Variants in CHSY3 observed in about 807,000 individuals in gnomAD.
The protein encoded by CHSY3 is N-acetylgalactosaminyl-proteoglycan 3-beta-glucuronosyltransferase 3.
Under a neutral mutation model 67.2 loss-of-function variants are expected in CHSY3, and 35 were observed. The ratio of observed to expected loss-of-function variants is 0.52; its 90% CI spans 0.40 to 0.69. The LOEUF (loss-of-function observed/expected upper bound fraction) is 0.69. CHSY3 is among the 30% of genes least tolerant of loss of function. The pLI is 0.00. For missense variants in CHSY3, 1,069 were observed against 1,138.5 expected (o/e 0.94, Z 0.88); for synonymous variants, 474 against 434.7 (o/e 1.09, Z -1.12).
chr5:129,910,805 A>G (rs1760512541), intron 2 of CHSY3, among the ~76,000 whole-genome samples: 1 of 152,032 alleles, frequency 6.6e-6, no homozygotes, highest in Admixed American at 6.5e-5. Flanking sequence ...AGATTGGTCT[A>G]TTCTACTCCA....
At chr5:130,117,496 T>C (rs1223932976) in intron 2 of CHSY3, among the ~76,000 whole-genome samples, 1 of 152,232 alleles carries the variant, frequency 6.6e-6, no homozygotes, top group Non-Finnish European at 1.5e-5. Context: ...TGCAGCTTCA[T>C]TAGAGACATT....
At chr5:130,132,251 G>T (rs1768505545) in intron 2 of CHSY3, among the ~76,000 whole-genome samples, 1 of 152,054 alleles carries the variant, frequency 6.6e-6, no homozygotes, top group African/African-American at 2.4e-5. Flanking sequence ...TCAACTTTAA[G>T]CTCTCTTCAA....
At position 130,184,721 on chromosome 5, in the gene CHSY3, C is replaced by T. The variant is rs148391625; in HGVS notation, c.1579C>T (p.Arg527Cys). 7 of 1,607,904 alleles carry T rather than the reference C, an allele frequency of 4.4e-6. No homozygotes were observed. In the South Asian group the frequency reaches 4.4e-5, roughly 10 times the overall value. ...IDFKEIQYGY[R>C]RVNPMHGVEY... is the part of the protein sequence containing the mutation. Reference sequence around the variant, plus strand: ...CTTCAAGGAAATTCAGTATGGCTACCGCAGAGTTAACCCCATGCACGGGGT... The same window carrying T: ...CTTCAAGGAAATTCAGTATGGCTACTGCAGAGTTAACCCCATGCACGGGGT... Residue 527 changes from arginine (R) to cysteine (C), a missense_variant, in exon 3 of 3, where the codon CGC becomes TGC. Coordinates refer to ENST00000305031, the MANE Select transcript of CHSY3 (RefSeq NM_175856.5).
At chr5:129,909,994 T>C (rs1254189220) in intron 2 of CHSY3, among the ~76,000 whole-genome samples, 2 of 152,146 alleles carry the variant, frequency 1.3e-5, no homozygotes, top group Admixed American at 6.5e-5. Context: ...GATTCTGCTG[T>C]GAAGGCCTAG....
chr5:130,071,695 G>A (rs1766076315), intron 2 of CHSY3, among the ~76,000 whole-genome samples: 1 of 151,938 alleles, frequency 6.6e-6, no homozygotes, highest in Non-Finnish European at 1.5e-5. Flanking sequence ...ATAGCTCTCT[G>A]ACATAAAAAT....
At chr5:129,918,472 C>G (rs538114626) in intron 2 of CHSY3, among the ~76,000 whole-genome samples, 2 of 152,148 alleles carry the variant, frequency 1.3e-5, no homozygotes, top group East Asian at 3.9e-4. Flanking sequence ...TATGCCATCA[C>G]TCTCAACAAA....
intron 2 of CHSY3, among the ~76,000 whole-genome samples, chr5:130,012,597 G>A (rs937419718): frequency 1.3e-5 from 2 of 152,102 alleles, no homozygotes; most frequent in Non-Finnish European, 2.9e-5. Context: ...AGTGCCAGCT[G>A]GGGAAATTCC....
intron 2 of CHSY3, among the ~76,000 whole-genome samples, chr5:129,927,641 GT>G (rs1331931724): frequency 6.6e-6 from 1 of 151,922 alleles, no homozygotes; most frequent in Non-Finnish European, 1.5e-5. Context: ...TGTATTTCAG[GT>G]TTTATTGTAT....
At chr5:129,913,011 C>T (rs1412388277) in intron 2 of CHSY3, among the ~76,000 whole-genome samples, 1 of 152,216 alleles carries the variant, frequency 6.6e-6, no homozygotes, top group East Asian at 1.9e-4. Flanking sequence ...TTATTGGCCT[C>T]TCCTGTTGGC....
rs564235905 is a variant in CHSY3, at chr5:129,985,374, T to G, written c.1086+77014T>G. Among the ~76,000 whole-genome samples the G allele has an allele frequency of 1.7e-3, 262 of 152,284 alleles. 1 individual carries two copies. The highest frequency in any genetic ancestry group is 0.013 in the South Asian group (61 of 4,830). On this transcript the variant is annotated intron_variant, in intron 2 of 2. Coordinates refer to ENST00000305031, the MANE Select transcript of CHSY3 (RefSeq NM_175856.5). Reference sequence around the variant, plus strand: ...TTTCTGGGTTCTCTAACCTGTTCTTTTGGTCTGTGTGTCTGTTTTTATGCC... The same window carrying G: ...TTTCTGGGTTCTCTAACCTGTTCTTGTGGTCTGTGTGTCTGTTTTTATGCC...
rs1249226929 is a variant in CHSY3 at position 130,185,374 on chromosome 5, C to T, written c.2232C>T (p.Pro744=). The T allele has an allele frequency of 6.2e-7, 1 of 1,606,836 alleles. No homozygotes were observed. Residue 744 remains proline, a synonymous_variant, in exon 3 of 3, where the codon CCC becomes CCT. Transcript: ENST00000305031. ...TTCAGGGACAACAGGTGTACTATCC[C>T]ATCATCTTTAGCCAGTATGACCCAA... The part of the protein sequence containing the change: ...NTIQGQQVYY[P]IIFSQYDPKV...
intron 2 of CHSY3, among the ~76,000 whole-genome samples, chr5:130,065,281 G>A (rs1007869520): frequency 2.0e-5 from 3 of 152,008 alleles, no homozygotes; most frequent in African/African-American, 7.2e-5. Context: ...TTTAGAACCA[G>A]CTTGAAAAAT....
intron 2 of CHSY3, among the ~76,000 whole-genome samples, chr5:129,998,553 G>T (rs1763619044): frequency 6.6e-6 from 1 of 152,060 alleles, no homozygotes; most frequent in African/African-American, 2.4e-5. Context: ...AATACATCTT[G>T]CCAAATTTTC....
intron 2 of CHSY3, among the ~76,000 whole-genome samples, chr5:130,087,729 A>G (rs1474544211): frequency 2.6e-5 from 4 of 152,012 alleles, no homozygotes; most frequent in Non-Finnish European, 4.4e-5. Context: ...GATACAAACA[A>G]ATGGAAGAAC....
chr5:130,067,659 G>T (rs1765925921), intron 2 of CHSY3, among the ~76,000 whole-genome samples: 2 of 152,090 alleles, frequency 1.3e-5, no homozygotes, highest in Admixed American at 1.3e-4. Context: ...AGTACACTCA[G>T]AATAAAGAGG....
intron 2 of CHSY3, among the ~76,000 whole-genome samples, chr5:130,059,762 T>C (rs1201583565): frequency 1.3e-5 from 2 of 152,120 alleles, no homozygotes; most frequent in Non-Finnish European, 2.9e-5. Context: ...ATTACCAAGT[T>C]TCAAAAGGTA....
chr5:130,020,461 A>ATATATATATATTTTTT (rs1371121130), intron 2 of CHSY3, among the ~76,000 whole-genome samples: 1 of 79,934 alleles, frequency 1.3e-5, no homozygotes, highest in Non-Finnish European at 2.2e-5. Flanking sequence ...ATATATATAT[A>ATATATATATATTTTTT]TTTTTTTTTT....
At chr5:130,001,404 A>G in intron 2 of CHSY3, 1 of 886,930 alleles carries the variant, frequency 1.1e-6, no homozygotes, top group Non-Finnish European at 1.4e-6. Context: ...CTCCAGAGTT[A>G]GTAGGCTGCT....
At chr5:129,951,112 G>A (rs1456293212) in intron 2 of CHSY3, among the ~76,000 whole-genome samples, 1 of 152,126 alleles carries the variant, frequency 6.6e-6, no homozygotes, top group Non-Finnish European at 1.5e-5. Context: ...ACTAGTCTTT[G>A]ACAAAGACAC....
Sources: gnomAD v4.1 joint callset for allele counts (sites outside exome capture counted in the v4.1 genomes callset) on GRCh38, gnomAD v4.1.1 for gene constraint, MANE v1.5 for transcripts, NCBI Gene and HGNC (gene_info 2026-07-23, HGNC 2026-07-21) for gene names.